Variants in PLXDC2 observed in about 807,000 individuals in gnomAD.
The protein encoded by PLXDC2 is plexin domain containing 2.
Under a neutral mutation model 68.9 loss-of-function variants are expected in PLXDC2, and 40 were observed. The ratio of observed to expected loss-of-function variants is 0.58; its 90% CI spans 0.45 to 0.76. The LOEUF is 0.76. PLXDC2 is among the 30% of genes least tolerant of loss of function. The pLI, the probability that PLXDC2 is intolerant of heterozygous loss-of-function variation, is 0.00. For synonymous variants in PLXDC2, 243 were observed against 234.2 expected (o/e 1.04, Z -0.34); for missense variants, 644 against 661.9 (o/e 0.97, Z 0.30).
intron 6 of PLXDC2, among the ~76,000 whole-genome samples, chr10:20,156,055 G>A (rs1447249942): frequency 1.3e-5 from 2 of 151,862 alleles, no homozygotes; most frequent in African/African-American, 4.8e-5. Flanking sequence ...AATTTTTTGT[G>A]TCTCCCCCAA....
chr10:20,079,540 C>T (rs1836513144), intron 4 of PLXDC2, among the ~76,000 whole-genome samples: 1 of 152,224 alleles, frequency 6.6e-6, no homozygotes, highest in Non-Finnish European at 1.5e-5. Flanking sequence ...ACCCAAATGC[C>T]CATCAATGAT....
Position 19,956,218 on chromosome 10 carries a change from A to T in PLXDC2, c.113-45557A>T, listed in dbSNP as rs537616315. 2.0e-5 allele frequency among the ~76,000 whole-genome samples: 3 copies of T among 152,264 alleles called. No individual in the cohort carries two copies. In the South Asian group the frequency reaches 6.2e-4, roughly 32 times the overall value. On this transcript the variant is annotated intron_variant, in intron 1 of 13. Transcript: ENST00000377252. ...TTGAAACAATCCCTTTTACATGAAAACGAGTCTTAATTGACTGGAAATATT... is the reference window on the plus strand; with the variant it reads ...TTGAAACAATCCCTTTTACATGAAATCGAGTCTTAATTGACTGGAAATATT...
At chr10:20,267,795 T>C (rs943272342) in intron 13 of PLXDC2, among the ~76,000 whole-genome samples, 4 of 152,122 alleles carry the variant, frequency 2.6e-5, no homozygotes, top group Non-Finnish European at 5.9e-5. Context: ...AGAAGTTATT[T>C]TTATAGGTTC....
chr10:19,979,951 T>C (rs1488924758), intron 1 of PLXDC2, among the ~76,000 whole-genome samples: 1 of 152,180 alleles, frequency 6.6e-6, no homozygotes, highest in Non-Finnish European at 1.5e-5. Context: ...ATTGAAAAGG[T>C]CTCCTTAAAA....
chr10:20,040,911 A>G (rs891364849), intron 2 of PLXDC2, among the ~76,000 whole-genome samples: 1 of 152,164 alleles, frequency 6.6e-6, no homozygotes, highest in Non-Finnish European at 1.5e-5. Flanking sequence ...TATTTTTAAA[A>G]CTTTATTTTT....
chr10:20,273,701 G>A (rs1835968490), intron 13 of PLXDC2, among the ~76,000 whole-genome samples: 2 of 152,238 alleles, frequency 1.3e-5, no homozygotes, highest in Admixed American at 1.3e-4. Flanking sequence ...GAAGTGACTT[G>A]TAATCTGTAG....
chr10:20,172,652 T>C (rs959245902), intron 7 of PLXDC2, among the ~76,000 whole-genome samples: 1 of 152,122 alleles, frequency 6.6e-6, no homozygotes, highest in Non-Finnish European at 1.5e-5. Flanking sequence ...GCAAAGTAAT[T>C]ATCAAAGGAA....
chr10:19,865,346 A>G (rs532024708), intron 1 of PLXDC2, among the ~76,000 whole-genome samples: 1 of 152,298 alleles, frequency 6.6e-6, no homozygotes, highest in East Asian at 1.9e-4. Context: ...CTGATGGAAA[A>G]AACTTGGCTC....
chr10:19,865,893 C>T (rs1473960402), intron 1 of PLXDC2, among the ~76,000 whole-genome samples: 4 of 152,160 alleles, frequency 2.6e-5, no homozygotes, highest in Non-Finnish European at 2.9e-5. Flanking sequence ...CCCTCAATTT[C>T]CTAACAAGCA....
intron 3 of PLXDC2, among the ~76,000 whole-genome samples, chr10:20,063,291 G>T (rs1836137905): frequency 1.3e-5 from 2 of 152,098 alleles, no homozygotes; most frequent in Non-Finnish European, 2.9e-5. Flanking sequence ...CTTTCAGCAG[G>T]ATTATTTCTT....
chr10:19,861,156 TC>T (rs1374378096), intron 1 of PLXDC2, among the ~76,000 whole-genome samples: 21 of 152,144 alleles, frequency 1.4e-4, no homozygotes, highest in African/African-American at 4.8e-4. Context: ...TGCCTCAGCC[TC>T]CCAAGTAGCT....
intron 3 of PLXDC2, among the ~76,000 whole-genome samples, chr10:20,060,722 A>C (rs889013851): frequency 4.6e-5 from 7 of 152,268 alleles, no homozygotes; most frequent in African/African-American, 1.7e-4. Flanking sequence ...AGGTGGTTTC[A>C]AATGATGTTT....
chr10:20,086,922 T>C (rs1477729549), intron 4 of PLXDC2, among the ~76,000 whole-genome samples: 1 of 152,200 alleles, frequency 6.6e-6, no homozygotes, highest in Admixed American at 6.5e-5. Flanking sequence ...AAGCCTACCA[T>C]ATAGAGCCTG....
intron 3 of PLXDC2, among the ~76,000 whole-genome samples, chr10:20,057,636 G>A (rs1443667774): frequency 6.6e-6 from 1 of 151,982 alleles, no homozygotes; most frequent in Non-Finnish European, 1.5e-5. Context: ...AACGGGACTG[G>A]AAGTGAAACC....
intron 1 of PLXDC2, among the ~76,000 whole-genome samples, chr10:19,955,074 ATT>A (rs750051734): frequency 9.0e-4 from 89 of 99,280 alleles, no homozygotes; most frequent in Non-Finnish European, 1.3e-3. Context: ...CCTTTCACTG[ATT>A]TTTTTTTTTT....
chr10:20,068,603 C>CTA (rs943664749), intron 4 of PLXDC2, among the ~76,000 whole-genome samples: 3 of 146,948 alleles, frequency 2.0e-5, no homozygotes, highest in African/African-American at 5.0e-5. Flanking sequence ...TATATAGTTG[C>CTA]TATATATATA....
chr10:20,066,894 A>G (rs2131705207), intron 3 of PLXDC2, among the ~76,000 whole-genome samples: 1 of 152,278 alleles, frequency 6.6e-6, no homozygotes, highest in African/African-American at 2.4e-5. Context: ...ATAGCCTGTT[A>G]TTATAGGTAG....
At position 20,284,971 on chromosome 10, in the gene PLXDC2, C is replaced by T. The variant is rs1483157494; in HGVS notation, c.*5152C>T. ...TGGTGTTTTCAATTTCTCCTCTCTC[C>T]ACCCCTGCCCCCATCTGTGGCCATC... is the stretch of plus-strand genomic sequence containing the variant. On this transcript the variant is annotated 3_prime_UTR_variant, in exon 14 of 14. Coordinates refer to ENST00000377252, the MANE Select transcript of PLXDC2 (RefSeq NM_032812.9). 1 of 152,182 alleles carries T rather than the reference C, an allele frequency of 6.6e-6. No individual in the cohort carries two copies. The highest frequency in any genetic ancestry group is 1.5e-5 in the Non-Finnish European group (1 of 68,040). The allele number at this position is 152,182 out of a possible 1,614,324, so 9.4% of individuals were successfully genotyped here.
chr10:20,122,424 C>A (rs1468837709), intron 4 of PLXDC2, among the ~76,000 whole-genome samples: 1 of 152,226 alleles, frequency 6.6e-6, no homozygotes. Context: ...CAGCATCAGT[C>A]TTCAGCCACT....
Sources: gnomAD v4.1 joint callset for allele counts (sites outside exome capture counted in the v4.1 genomes callset) on GRCh38, gnomAD v4.1.1 for gene constraint, MANE v1.5 for transcripts, NCBI Gene and HGNC (gene_info 2026-07-23, HGNC 2026-07-21) for gene names.